Variants in ZCCHC8 observed in about 807,000 individuals in gnomAD.
ZCCHC8 encodes the protein zinc finger CCHC domain-containing protein 8.
A neutral mutation model predicts 70.6 loss-of-function variants in ZCCHC8; 27 were observed. That is an observed-to-expected ratio of 0.38 (90% CI 0.28 to 0.53). The LOEUF (loss-of-function observed/expected upper bound fraction) is 0.53, where lower values mean the gene tolerates loss of function less well. Ranked by LOEUF, ZCCHC8 falls within the 20% of genes least tolerant of loss-of-function variation. The pLI is 0.81. For missense variants in ZCCHC8, 737 were observed against 876.9 expected (o/e 0.84, Z 2.01); for synonymous variants, 293 against 317.4 (o/e 0.92, Z 0.82).
rs1273258488 is a variant in ZCCHC8 at position 122,473,911 on chromosome 12, T to C, written c.1710A>G (p.Gly570=). ...CCAGCGTCTGCTTTTCAGATGTTTTTCCCTCCGGGACAGGGAGGTCTAGCT... is the reference window on the plus strand; with the variant it reads ...CCAGCGTCTGCTTTTCAGATGTTTTCCCCTCCGGGACAGGGAGGTCTAGCT... The part of the protein sequence containing the change: ...PNELDLPVPE[G]KTSEKQTLDE... Residue 570 remains glycine (G), a synonymous_variant, in exon 14 of 14, where the codon GGA becomes GGG. Transcript: ENST00000633063. 6 of 1,613,804 alleles carry C rather than the reference T, an allele frequency of 3.7e-6. No individual in the cohort carries two copies. Among genetic ancestry groups the C allele is most frequent in the Non-Finnish European group, 5.1e-6 (6 of 1,179,890 alleles).
In ZCCHC8 at chr12:122,474,043, C is replaced by T; in HGVS notation, c.1578G>A (p.Arg526=). The T allele has an allele frequency of 2.0e-6, 3 of 1,529,626 alleles. No individual in the cohort carries two copies. The highest frequency in any genetic ancestry group is 2.3e-5 in the East Asian group (1 of 44,284). The allele number at this position is 1,529,626 out of a possible 1,614,324, so 94.8% of individuals were successfully genotyped here. ...TLEELEEQQR[R]IWAALEQAES... ...CGGCCTGCTCAAGAGCTGCCCAGAT[C>T]CGCCTCTGCTGTTCTTCAAGTTCTT... Residue 526 remains arginine, a synonymous_variant, in exon 14 of 14, where the codon CGG becomes CGA. Coordinates refer to ENST00000633063, the MANE Select transcript of ZCCHC8 (RefSeq NM_017612.5).
chr12:122,482,947 G>A (rs993268990), intron 7 of ZCCHC8: 1 of 517,542 alleles, frequency 1.9e-6, no homozygotes, highest in African/African-American at 1.9e-5. Context: ...TTTTTTCAGT[G>A]GTTAACAACG....
intron 2 of ZCCHC8, among the ~76,000 whole-genome samples, chr12:122,493,284 CT>C (rs931451465): frequency 8.2e-4 from 124 of 151,458 alleles, no homozygotes; most frequent in African/African-American, 2.8e-3. Flanking sequence ...AGAGGTATCA[CT>C]TTTTTTTTAA....
chr12:122,475,814 A>C (rs570960582), intron 13 of ZCCHC8, among the ~76,000 whole-genome samples: 139 of 152,284 alleles, frequency 9.1e-4, no homozygotes, highest in Admixed American at 1.2e-3. Context: ...ATCTTCCTCC[A>C]TGGCCCTCTA....
chr12:122,475,140 C>T lies in ZCCHC8; in HGVS notation c.1346-865G>A, dbSNP rs143997932. ...TCAGCTGGCTGCAACCTCTGCCTCC[C>T]GGGTTCAAGCAGTTCTTCTGCCTCT... On this transcript the variant is annotated intron_variant, in intron 13 of 13. Coordinates refer to ENST00000633063, the MANE Select transcript of ZCCHC8 (RefSeq NM_017612.5). Among the ~76,000 whole-genome samples the T allele has an allele frequency of 3.2e-3, 491 of 152,116 alleles. 3 individuals carry two copies. The highest frequency in any genetic ancestry group is 0.011 in the African/African-American group (468 of 41,512).
At chr12:122,482,569 A>G in intron 8 of ZCCHC8, 66 bp downstream of exon 8, 1 of 1,283,862 alleles carries the variant, frequency 7.8e-7, no homozygotes, top group Non-Finnish European at 1.1e-6. Flanking sequence ...ATACAATAAC[A>G]TAAATGTGTT....
At chr12:122,479,728 G>A (rs1050425263) in intron 11 of ZCCHC8, among the ~76,000 whole-genome samples, 2 of 152,134 alleles carry the variant, frequency 1.3e-5, no homozygotes, top group Admixed American at 1.3e-4. Flanking sequence ...GAAAACTGCT[G>A]TTGATGAATA....
intron 13 of ZCCHC8, among the ~76,000 whole-genome samples, chr12:122,475,538 TGA>T (rs1485913390): frequency 5.9e-5 from 9 of 152,216 alleles, no homozygotes; most frequent in Admixed American, 5.9e-4. Flanking sequence ...GCTTGTCCTC[TGA>T]GAGTACTCTC....
chr12:122,482,650 C>A lies in ZCCHC8; in HGVS notation c.717G>T (p.Met239Ile). ...AAAAATTTACCATTGGGCAATCTTT[C>A]ATTTGGTGTTCTTCAGAACCACAAT... ...CFNCGSEEHQ[M>I]KDCPMPRNAA... is the part of the protein sequence containing the mutation. The change falls in exon 8 of 14, where the codon ATG (methionine) becomes ATT (isoleucine). Residue 239 changes from methionine (M) to isoleucine (I), a missense_variant. Coordinates refer to ENST00000633063, the MANE Select transcript of ZCCHC8 (RefSeq NM_017612.5). 1 of 1,606,428 alleles carries A rather than the reference C, an allele frequency of 6.2e-7. No individual in the cohort carries two copies. Among genetic ancestry groups the A allele is most frequent in the Non-Finnish European group, 8.5e-7 (1 of 1,175,730 alleles).
chr12:122,494,226 G>A (rs1957790645), intron 2 of ZCCHC8, among the ~76,000 whole-genome samples: 1 of 151,988 alleles, frequency 6.6e-6, no homozygotes, highest in Non-Finnish European at 1.5e-5. Flanking sequence ...TGAAATAAAT[G>A]TCTCTATTTG....
At chr12:122,486,526 T>C (rs895421533) in intron 5 of ZCCHC8, among the ~76,000 whole-genome samples, 1 of 151,998 alleles carries the variant, frequency 6.6e-6, no homozygotes, top group Admixed American at 6.6e-5. Context: ...TTACAGTCTG[T>C]TGCACAACCT....
At chr12:122,476,751 G>C (rs908925997) in intron 13 of ZCCHC8, among the ~76,000 whole-genome samples, 1 of 152,006 alleles carries the variant, frequency 6.6e-6, no homozygotes, top group Non-Finnish European at 1.5e-5. Flanking sequence ...GGCCAGGCAC[G>C]GTGGCTCACA....
chr12:122,500,460 C>T lies in ZCCHC8; in HGVS notation c.199+182G>A. ...GGGGAAGAGGTCTGCGCCGAGGCAGCCTGCGCGCCCCGAACCCTAGACTCT... is the reference window on the plus strand; with the variant it reads ...GGGGAAGAGGTCTGCGCCGAGGCAGTCTGCGCGCCCCGAACCCTAGACTCT... On this transcript the variant is annotated intron_variant, in intron 1 of 13. Coordinates refer to ENST00000633063, the MANE Select transcript of ZCCHC8 (RefSeq NM_017612.5). The surrounding 1 kb of genome is among the most constrained non-coding windows in gnomAD (Gnocchi z 4.8). 2 of 795,052 alleles carry T rather than the reference C, an allele frequency of 2.5e-6. No homozygotes were observed. The highest frequency in any genetic ancestry group is 3.9e-6 in the Non-Finnish European group (2 of 518,974). The allele number at this position is 795,052 out of a possible 1,614,324, so 49.2% of individuals were successfully genotyped here.
intron 5 of ZCCHC8, among the ~76,000 whole-genome samples, chr12:122,488,882 A>C (rs1957692552): frequency 6.6e-6 from 1 of 152,056 alleles, no homozygotes; most frequent in South Asian, 2.1e-4. Flanking sequence ...AAAAAAAAAA[A>C]AAAAAAATTA....
At chr12:122,488,918 T>C (rs976412725) in intron 5 of ZCCHC8, among the ~76,000 whole-genome samples, 10 of 152,020 alleles carry the variant, frequency 6.6e-5, no homozygotes, top group Admixed American at 5.2e-4. Context: ...TACTACTACA[T>C]TGTATTAACA....
intron 10 of ZCCHC8, chr12:122,481,172 C>A (rs375828383): frequency 1.2e-5 from 2 of 163,352 alleles, no homozygotes; most frequent in African/African-American, 4.8e-5. Context: ...GAGAGAAGTT[C>A]TAGACTATTA....
At chr12:122,493,645 C>CT (rs1371093434) in intron 2 of ZCCHC8, among the ~76,000 whole-genome samples, 3 of 151,920 alleles carry the variant, frequency 2.0e-5, no homozygotes, top group Non-Finnish European at 4.4e-5. Flanking sequence ...CGGAGTCTCA[C>CT]TCTGTTGCCC....
intron 8 of ZCCHC8, 151 bp from the exon 9 acceptor site, chr12:122,482,238 A>G: frequency 1.3e-6 from 1 of 776,978 alleles, no homozygotes; most frequent in Non-Finnish European, 1.9e-6. Flanking sequence ...AATATTTTAG[A>G]AAAATACGTA....
intron 2 of ZCCHC8, among the ~76,000 whole-genome samples, chr12:122,494,720 C>A (rs567443664): frequency 3.3e-5 from 5 of 151,698 alleles, no homozygotes; most frequent in Non-Finnish European, 5.9e-5. Context: ...CCAGGCGTGG[C>A]GGCACGCGCC....
Sources: gnomAD v4.1 joint callset for allele counts (sites outside exome capture counted in the v4.1 genomes callset) on GRCh38, gnomAD v4.1.1 for gene constraint, Gnocchi (gnomAD v3.1) non-coding constraint, MANE v1.5 for transcripts, NCBI Gene and HGNC (gene_info 2026-07-23, HGNC 2026-07-21) for gene names.